The following SIPA1L3 variants were observed in gnomAD, a reference collection of about 807,000 sequenced individuals.
SIPA1L3 encodes the protein signal-induced proliferation-associated 1-like protein 3.
A neutral mutation model predicts 150.1 loss-of-function variants in SIPA1L3; 59 were observed. That is an observed-to-expected ratio of 0.39 (90% CI 0.32 to 0.49). SIPA1L3 has a LOEUF of 0.49. Among genes scored for constraint, SIPA1L3 ranks in the 20% least tolerant of loss-of-function variants. SIPA1L3 has a pLI of 0.86. For synonymous variants in SIPA1L3, 1,070 were observed against 1,077.6 expected (o/e 0.99, Z 0.14); for missense variants, 2,211 against 2,489.5 (o/e 0.89, Z 2.38).
intron 2 of SIPA1L3, among the ~76,000 whole-genome samples, chr19:38,058,567 G>A (rs151013581): frequency 3.8e-4 from 58 of 152,246 alleles, no homozygotes; most frequent in East Asian, 7.7e-4. Context: ...CAGGCAGCCC[G>A]CAATGTTTGT....
intron 8 of SIPA1L3, among the ~76,000 whole-genome samples, chr19:38,111,529 G>A (rs1406384688): frequency 2.6e-5 from 4 of 152,184 alleles, no homozygotes; most frequent in Non-Finnish European, 5.9e-5. Context: ...TAGAAATGGA[G>A]GTGCTGGAGC....
chr19:38,101,302 G>T, intron 6 of SIPA1L3, 76 bp downstream of exon 6: 1 of 1,115,678 alleles, frequency 9.0e-7, no homozygotes, highest in Non-Finnish European at 1.2e-6. Flanking sequence ...AAAAGGCCTG[G>T]GGATGCCACG....
intron 10 of SIPA1L3, among the ~76,000 whole-genome samples, chr19:38,138,740 A>G (rs1254137430): frequency 6.6e-6 from 1 of 151,790 alleles, no homozygotes. Flanking sequence ...TCTACTAAAA[A>G]TACAAAAGTT....
At chr19:38,035,198 A>C (rs1968752115) in intron 2 of SIPA1L3, among the ~76,000 whole-genome samples, 1 of 152,212 alleles carries the variant, frequency 6.6e-6, no homozygotes, top group African/African-American at 2.4e-5. Flanking sequence ...TTCTTCAGTG[A>C]AACTCTCACG....
intron 21 of SIPA1L3, among the ~76,000 whole-genome samples, 165 bp downstream of exon 21, chr19:38,204,373 G>A (rs1973159769): frequency 6.6e-6 from 1 of 152,156 alleles, no homozygotes; most frequent in African/African-American, 2.4e-5. Flanking sequence ...TAACACCCCA[G>A]GCTACCAAGC....
intron 1 of SIPA1L3, among the ~76,000 whole-genome samples, chr19:37,927,654 GGTGTGTGTGTGTGT>G (rs57987208): frequency 1.5e-3 from 207 of 136,830 alleles, no homozygotes; most frequent in African/African-American, 5.0e-3. Flanking sequence ...AAGAACATGG[GGTGTGTGTGTGTGT>G]GTGTGTGTGT....
chr19:38,005,009 G>A (rs904545194), intron 1 of SIPA1L3, among the ~76,000 whole-genome samples: 2 of 152,082 alleles, frequency 1.3e-5, no homozygotes, highest in South Asian at 4.2e-4. Flanking sequence ...AAAACAACCC[G>A]AGGAGTGGAG....
At chr19:37,908,494 G>T (rs1279577169) in intron 1 of SIPA1L3, among the ~76,000 whole-genome samples, 1 of 152,214 alleles carries the variant, frequency 6.6e-6, no homozygotes, top group Admixed American at 6.5e-5. Context: ...CTGTGGAATG[G>T]TAGTCATAGG....
intron 1 of SIPA1L3, among the ~76,000 whole-genome samples, chr19:37,927,450 C>T (rs1381239742): frequency 6.6e-6 from 1 of 152,018 alleles, no homozygotes; most frequent in East Asian, 1.9e-4. Context: ...CTGCGCCTAG[C>T]CCCCAGTAGG....
chr19:38,055,830 G>T (rs992569162), intron 2 of SIPA1L3, among the ~76,000 whole-genome samples: 1 of 152,224 alleles, frequency 6.6e-6, no homozygotes, highest in South Asian at 2.1e-4. Context: ...GGAACACTTG[G>T]GAGAAGCTTT....
At chr19:38,014,202 C>T (rs1393882181) in intron 1 of SIPA1L3, among the ~76,000 whole-genome samples, 1 of 152,228 alleles carries the variant, frequency 6.6e-6, no homozygotes, top group Non-Finnish European at 1.5e-5. Context: ...TCACCTGGGC[C>T]TCTGTCAGGC....
At chr19:38,192,408 C>T in intron 17 of SIPA1L3, 98 bp downstream of exon 17, 2 of 1,146,976 alleles carry the variant, frequency 1.7e-6, no homozygotes, top group South Asian at 1.6e-5. Context: ...CACGGTCACG[C>T]CAGCTCCTTC....
intron 1 of SIPA1L3, among the ~76,000 whole-genome samples, chr19:38,001,976 T>C (rs1967817003): frequency 6.6e-6 from 1 of 152,210 alleles, no homozygotes; most frequent in Non-Finnish European, 1.5e-5. Context: ...AAAGAAAATA[T>C]GCACAACTCA....
chr19:37,913,168 G>A (rs980067846), intron 1 of SIPA1L3, among the ~76,000 whole-genome samples: 1 of 152,076 alleles, frequency 6.6e-6, no homozygotes, highest in Admixed American at 6.6e-5. Flanking sequence ...CTCGGGGGTC[G>A]CTGGAGACTG....
intron 9 of SIPA1L3, among the ~76,000 whole-genome samples, chr19:38,126,451 CATT>C (rs1034607823): frequency 1.2e-4 from 18 of 152,224 alleles, no homozygotes; most frequent in African/African-American, 4.1e-4. Context: ...TTTCTTAAAA[CATT>C]ATGACATTGT....
At chr19:37,990,819 C>T (rs1057240984) in intron 1 of SIPA1L3, among the ~76,000 whole-genome samples, 7 of 152,210 alleles carry the variant, frequency 4.6e-5, no homozygotes, top group Admixed American at 2.0e-4. Context: ...AGGCCGTATT[C>T]CGAGTGCTTT....
chr19:38,172,285 C>T (rs139002448), intron 15 of SIPA1L3, among the ~76,000 whole-genome samples: 2 of 152,230 alleles, frequency 1.3e-5, no homozygotes, highest in African/African-American at 2.4e-5. Flanking sequence ...CCTGGGAGCA[C>T]CTGAGGTGCT....
intron 1 of SIPA1L3, among the ~76,000 whole-genome samples, chr19:37,968,360 C>T (rs1412560339): frequency 1.3e-5 from 2 of 152,170 alleles, no homozygotes; most frequent in Admixed American, 6.5e-5. Flanking sequence ...GCATGAGCCA[C>T]CGCGCCCGGC....
intron 13 of SIPA1L3, among the ~76,000 whole-genome samples, 161 bp from the exon 14 acceptor site, chr19:38,162,092 A>G (rs769039708): frequency 2.0e-5 from 3 of 152,212 alleles, no homozygotes; most frequent in Non-Finnish European, 4.4e-5. Flanking sequence ...GGCACATAGT[A>G]TGTGCTGAGA....
Sources: gnomAD v4.1 joint callset for allele counts (sites outside exome capture counted in the v4.1 genomes callset) on GRCh38, gnomAD v4.1.1 for gene constraint, MANE v1.5 for transcripts, NCBI Gene and HGNC (gene_info 2026-07-23, HGNC 2026-07-21) for gene names.